MSRA: variants seen among roughly 807,000 people sequenced by gnomAD.
MSRA encodes methionine sulfoxide reductase A.
In MSRA, 54 loss-of-function variants were observed where a neutral mutation model predicts 31.3. The ratio of observed to expected loss-of-function variants is 1.73; its 90% confidence interval spans 1.39 to 2.17. The LOEUF is 2.17. MSRA is among the 30% of genes most tolerant of loss of function. MSRA has a pLI of 0.00. For synonymous variants in MSRA, 169 were observed against 116.5 expected, an observed-to-expected ratio of 1.45 and a Z score of -2.90; for missense variants, 507 against 300.9, an observed-to-expected ratio of 1.69 and a Z score of -5.07.
chr8:10,090,629 C>T (rs1423548314), intron 1 of MSRA, among the ~76,000 whole-genome samples: 1 of 152,172 alleles, frequency 6.6e-6, no homozygotes, highest in Non-Finnish European at 1.5e-5. Flanking sequence ...CACCATTAAA[C>T]CGTGAAAATG....
chr8:10,274,650 C>T (rs1482707888), intron 3 of MSRA, among the ~76,000 whole-genome samples: 2 of 152,118 alleles, frequency 1.3e-5, no homozygotes, highest in Non-Finnish European at 2.9e-5. Flanking sequence ...ATGTGTTATC[C>T]ATATGCCTGA....
intron 5 of MSRA, among the ~76,000 whole-genome samples, chr8:10,412,086 T>C (rs1056098882): frequency 6.6e-6 from 1 of 152,258 alleles, no homozygotes; most frequent in Non-Finnish European, 1.5e-5. Context: ...TATGATACTT[T>C]AGGCAAGGGC....
intron 4 of MSRA, among the ~76,000 whole-genome samples, chr8:10,302,247 G>C (rs1389867089): frequency 6.6e-6 from 1 of 152,226 alleles, no homozygotes; most frequent in Non-Finnish European, 1.5e-5. Flanking sequence ...GCATACACAA[G>C]TGAAATATTC....
At chr8:10,412,341 C>T (rs1281847907) in intron 5 of MSRA, among the ~76,000 whole-genome samples, 3 of 152,258 alleles carry the variant, frequency 2.0e-5, no homozygotes, top group African/African-American at 4.8e-5. Flanking sequence ...GTTCTGGTTC[C>T]CTGGTACTTT....
At chr8:10,272,825 C>T (rs1044438989) in intron 3 of MSRA, among the ~76,000 whole-genome samples, 1 of 152,108 alleles carries the variant, frequency 6.6e-6, no homozygotes, top group South Asian at 2.1e-4. Context: ...AGACACTAGC[C>T]TAGGACCTGG....
At chr8:10,401,493 A>C (rs533586237) in intron 5 of MSRA, among the ~76,000 whole-genome samples, 2 of 152,364 alleles carry the variant, frequency 1.3e-5, no homozygotes, top group South Asian at 2.1e-4. Context: ...GCCACTGTGG[A>C]AACAGTTAGA....
intron 1 of MSRA, among the ~76,000 whole-genome samples, chr8:10,153,957 C>T (rs530267212): frequency 2.0e-5 from 3 of 152,244 alleles, no homozygotes; most frequent in Admixed American, 1.3e-4. Flanking sequence ...GTGTATTTGA[C>T]AAAATTTGAC....
At chr8:10,077,045 T>TAAAAAAA (rs543152237) in intron 1 of MSRA, among the ~76,000 whole-genome samples, 2 of 139,098 alleles carry the variant, frequency 1.4e-5, no homozygotes, top group Non-Finnish European at 3.1e-5. Context: ...CCTCAGAACT[T>TAAAAAAA]AAAAAAAAAA....
chr8:10,224,660 TCAC>T (rs1330966759), intron 2 of MSRA, among the ~76,000 whole-genome samples: 3 of 152,286 alleles, frequency 2.0e-5, no homozygotes, highest in African/African-American at 7.2e-5. Flanking sequence ...CCTGGATTCA[TCAC>T]CACCACATTT....
At chr8:10,086,905 A>G (rs1798586802) in intron 1 of MSRA, among the ~76,000 whole-genome samples, 1 of 151,294 alleles carries the variant, frequency 6.6e-6, no homozygotes, top group Non-Finnish European at 1.5e-5. Flanking sequence ...GGAGAGGGAG[A>G]GGGAGAGAGA....
intron 5 of MSRA, among the ~76,000 whole-genome samples, chr8:10,403,147 C>G (rs1387839318): frequency 6.6e-6 from 1 of 152,166 alleles, no homozygotes; most frequent in African/African-American, 2.4e-5. Context: ...ATTAAAATGT[C>G]CCAGGGCTGG....
chr8:10,104,729 C>G (rs1053834480), intron 1 of MSRA, among the ~76,000 whole-genome samples: 2 of 152,086 alleles, frequency 1.3e-5, no homozygotes, highest in Admixed American at 6.6e-5. Flanking sequence ...TCCTGAATTC[C>G]AAAAGGGAGA....
chr8:10,108,436 C>T (rs1325903079), intron 1 of MSRA, among the ~76,000 whole-genome samples: 1 of 152,212 alleles, frequency 6.6e-6, no homozygotes, highest in Non-Finnish European at 1.5e-5. Flanking sequence ...ATGTCACCTG[C>T]CAGTTACAGT....
chr8:10,405,928 T>G (rs1807786413), intron 5 of MSRA, among the ~76,000 whole-genome samples: 1 of 152,110 alleles, frequency 6.6e-6, no homozygotes, highest in Non-Finnish European at 1.5e-5. Flanking sequence ...ACACACATGC[T>G]CACATGTGCT....
At chr8:10,215,223 A>C (rs1009278411) in intron 2 of MSRA, among the ~76,000 whole-genome samples, 13 of 152,210 alleles carry the variant, frequency 8.5e-5, no homozygotes, top group Non-Finnish European at 8.8e-5. Context: ...TCCTCCCACA[A>C]AAAGGTTATG....
chr8:10,187,289 C>T (rs1453515159), intron 1 of MSRA, among the ~76,000 whole-genome samples: 2 of 152,184 alleles, frequency 1.3e-5, no homozygotes, highest in African/African-American at 2.4e-5. Flanking sequence ...CCTTTTTACT[C>T]ATTCTTGGAT....
chr8:10,122,528 TTG>T (rs1412099788), intron 1 of MSRA, among the ~76,000 whole-genome samples: 5 of 150,582 alleles, frequency 3.3e-5, no homozygotes, highest in African/African-American at 1.2e-4. Flanking sequence ...AAGTATTTTT[TTG>T]TGTTTTTTTT....
chr8:10,140,780 A>G (rs1563142274), intron 1 of MSRA, among the ~76,000 whole-genome samples: 1 of 152,214 alleles, frequency 6.6e-6, no homozygotes, highest in Non-Finnish European at 1.5e-5. Context: ...CTTTGCTTTA[A>G]AAAAATAAGA....
chr8:10,055,229 G>T (rs1175016361), intron 1 of MSRA, among the ~76,000 whole-genome samples: 1 of 152,174 alleles, frequency 6.6e-6, no homozygotes, highest in Non-Finnish European at 1.5e-5. Context: ...CAGGGGCAGG[G>T]GCTGCCGTAT....
Sources: allele counts gnomAD v4.1 joint callset (sites outside exome capture counted in the v4.1 genomes callset), GRCh38; gene constraint gnomAD v4.1.1; transcripts MANE v1.5; gene names NCBI Gene and HGNC (gene_info 2026-07-23, HGNC 2026-07-21).